Variants in STAT6 observed in about 807,000 individuals in gnomAD.
STAT6 encodes the protein STAT, interleukin4-induced.
A neutral mutation model predicts 106.3 loss-of-function variants in STAT6; 45 were observed. The observed-to-expected ratio is 0.42, with a 90% CI of 0.33 to 0.54. The LOEUF (loss-of-function observed/expected upper bound fraction) is 0.54. STAT6 is among the 20% of genes least tolerant of loss of function. The pLI is 0.06. For synonymous variants in STAT6, 413 were observed against 413.6 expected, an observed-to-expected ratio of 1.00 and a Z score of 0.02; for missense variants, 797 against 1,062.2, an observed-to-expected ratio of 0.75 and a Z score of 3.47.
rs1157118461 is a variant in STAT6 at position 57,105,744 on chromosome 12, G to A, written c.681-145C>T. 7 of 1,324,278 alleles carry A rather than the reference G, an allele frequency of 5.3e-6. No individual in the cohort carries two copies. The East Asian group carries it at 1.0e-4, about 19-fold the overall frequency. 82.0% of individuals were successfully genotyped at this position (1,324,278 alleles called of 1,614,324 possible). A position where few individuals can be genotyped will look rare whatever the true frequency, so the allele number is the denominator to read the frequency against. ...GGTGTGGCTGCAAGGCACCTGGGCTGAAGGGGGTTCTGTGATCTGTTGGCC... is the reference window on the plus strand; with the variant it reads ...GGTGTGGCTGCAAGGCACCTGGGCTAAAGGGGGTTCTGTGATCTGTTGGCC... On this transcript the variant is annotated intron_variant, in intron 7 of 21. Transcript: ENST00000300134.
chr12:57,106,887 C>T (rs2034316171), intron 4 of STAT6, 56 bp from the exon 5 acceptor site: 1 of 1,603,576 alleles, frequency 6.2e-7, no homozygotes, highest in Non-Finnish European at 8.5e-7. Context: ...CCCTCTATAC[C>T]TGGCCTCCAC....
intron 7 of STAT6, 185 bp downstream of exon 7, chr12:57,106,006 G>T: frequency 1.0e-6 from 1 of 1,001,120 alleles, no homozygotes; most frequent in Non-Finnish European, 1.4e-6. Context: ...CCCTCCACTA[G>T]GCCCACTTGT....
chr12:57,104,316 C>T (rs996096067), intron 11 of STAT6, 148 bp downstream of exon 11: 3 of 1,167,302 alleles, frequency 2.6e-6, no homozygotes, highest in Non-Finnish European at 3.6e-6. Flanking sequence ...CTCTTGCTCA[C>T]CCCCACTCAC....
chr12:57,100,559 C>T (rs1422370446), intron 13 of STAT6, among the ~76,000 whole-genome samples: 4 of 151,742 alleles, frequency 2.6e-5, no homozygotes, highest in Non-Finnish European at 5.9e-5. Context: ...CTAACACACC[C>T]TCTGGTCACA....
chr12:57,107,451 A>T (rs1011475788), intron 3 of STAT6, 137 bp from the exon 4 acceptor site: 1 of 1,318,308 alleles, frequency 7.6e-7, no homozygotes, highest in Non-Finnish European at 1.1e-6. Context: ...GTGCATTTGC[A>T]TGCTTTTAAA....
At position 57,106,212 on chromosome 12, in the gene STAT6, C is replaced by G; in HGVS notation, c.659G>C (p.Ser220Thr). Residue 220 changes from serine to threonine, a missense_variant, in exon 7 of 22, where the codon AGC becomes ACC. Ser to Thr is a moderately conservative substitution (Grantham distance 58, BLOSUM62 1). This residue lies in a region of STAT6 where 336 missense variants were observed against 429.8 expected (regional missense o/e 0.78). Coordinates refer to ENST00000300134, the MANE Select transcript of STAT6 (RefSeq NM_003153.5). Reference sequence around the variant, plus strand: ...CAACCTCTCCTGGAGTGGGGCCAGGCTCTCCTCAAACGGTGCGCCATTCCC... The same window carrying G: ...CAACCTCTCCTGGAGTGGGGCCAGGGTCTCCTCAAACGGTGCGCCATTCCC... ...LAGNGAPFEE[S>T]LAPLQERCES... 1 of 1,614,178 alleles carries G rather than the reference C, an allele frequency of 6.2e-7. No homozygotes were observed. The highest frequency in any genetic ancestry group is 1.3e-5 in the African/African-American group (1 of 75,068).
Position 57,098,540 on chromosome 12 carries a change from T to C in STAT6, c.2124A>G (p.Pro708=), listed in dbSNP as rs759503637. ...CTGACAACACGTTGACTGATTCTTC[T>C]GGGGAGAGGCCTTGATACGGGGGGA... ...HSIPPYQGLS[P]EESVNVLSAF... is the part of the protein sequence containing the mutation. The change falls in exon 19 of 22, where the codon CCA becomes CCG. Residue 708 remains proline (P), a synonymous_variant. Coordinates refer to ENST00000300134, the MANE Select transcript of STAT6 (RefSeq NM_003153.5). 6 of 1,614,206 alleles carry C rather than the reference T, an allele frequency of 3.7e-6. No homozygotes were observed. Among genetic ancestry groups the C allele is most frequent in the Non-Finnish European group, 5.1e-6 (6 of 1,180,044 alleles).
Position 57,099,325 on chromosome 12 carries a change from G to C in STAT6, c.1860C>G (p.Pro620=). The C allele has an allele frequency of 6.2e-7, 1 of 1,614,176 alleles. No individual in the cohort carries two copies. Among genetic ancestry groups the C allele is most frequent in the Non-Finnish European group, 8.5e-7 (1 of 1,180,030 alleles). The change falls in exon 16 of 22, where the codon CCC becomes CCG. Residue 620 remains proline (P), a synonymous_variant. Coordinates refer to ENST00000300134, the MANE Select transcript of STAT6 (RefSeq NM_003153.5). This position sits in a 1 kb window ranked among gnomAD's most constrained non-coding sequence, Gnocchi z 4.7. ...AQLKNLYPKK[P]KDEAFRSHYK... is the part of the protein sequence containing the mutation. ...AGTGGCTCCGGAAAGCCTCATCCTT[G>C]GGCTTCTTGGGATAGAGATTTTTGA...
intron 10 of STAT6, 50 bp from the exon 11 acceptor site, chr12:57,104,636 C>G: frequency 6.2e-7 from 1 of 1,612,484 alleles, no homozygotes; most frequent in South Asian, 1.1e-5. Flanking sequence ...GGACAGAGAC[C>G]GCTCCTCCTG....
rs1272933168 is a variant in STAT6, at chr12:57,099,022, C to T, written c.1948G>A (p.Val650Met). The T allele has an allele frequency of 5.6e-6, 9 of 1,614,052 alleles. No homozygotes were observed. The highest frequency in any genetic ancestry group is 1.3e-5 in the African/African-American group (1 of 74,906). Residue 650 changes from valine to methionine, a missense_variant, in exon 17 of 22, where the codon GTG becomes ATG. Coordinates refer to ENST00000300134, the MANE Select transcript of STAT6 (RefSeq NM_003153.5). The surrounding 1 kb of genome is among the most constrained non-coding windows in gnomAD (Gnocchi z 4.7). The part of the protein sequence containing the change: ...GYVPATIKMT[V>M]ERDQPLPTPE... ...CCATACCACCACACTCACCTTTCCACGGTCATCTTGATGGTAGCTGGGACA... is the reference window on the plus strand; with the variant it reads ...CCATACCACCACACTCACCTTTCCATGGTCATCTTGATGGTAGCTGGGACA...
intron 11 of STAT6, 65 bp downstream of exon 11, chr12:57,104,399 C>A: frequency 2.6e-6 from 4 of 1,563,376 alleles, no homozygotes; most frequent in Non-Finnish European, 3.5e-6. Flanking sequence ...GTCCAGGGCC[C>A]TTGTGTGTGG....
rs1343526721 is a variant in STAT6 at position 57,106,843 on chromosome 12, G to A, written c.340-12C>T. 2 of 1,613,222 alleles carry A rather than the reference G, an allele frequency of 1.2e-6. No individual in the cohort carries two copies. Among genetic ancestry groups the A allele is most frequent in the African/African-American group, 1.3e-5 (1 of 75,038 alleles). On this transcript the variant is annotated splice_polypyrimidine_tract_variant and intron_variant, in intron 4 of 21. Transcript: ENST00000300134. ...GGCAAGTGGCGGAACTACACAGGAA[G>A]GACAGATGCCAAGAAGTGAAACACT... is the stretch of plus-strand genomic sequence containing the variant.
In STAT6 at chr12:57,097,145, G is replaced by C; in HGVS notation, c.2160-12C>G. 1 of 1,508,500 alleles carries C rather than the reference G, an allele frequency of 6.6e-7. No individual in the cohort carries two copies. Among genetic ancestry groups the C allele is most frequent in the South Asian group, 1.4e-5 (1 of 73,006 alleles). The allele number at this position is 1,508,500 out of a possible 1,614,324, so 93.4% of individuals were successfully genotyped here. ...TCTGCAGGTGAGGCCTGGAAGTAGG[G>C]AGAGCACAGTTAGAGGAAGGCAGGC... On this transcript the variant is annotated splice_polypyrimidine_tract_variant and intron_variant, in intron 19 of 21. Transcript: ENST00000300134.
chr12:57,105,449 G>T lies in STAT6; in HGVS notation c.812+19C>A, dbSNP rs749090631. ...CCCGAGGTCTGTTCTAGGCCAGACT[G>T]GGAGCTCCCGGGGAATACCTGGTGA... On this transcript the variant is annotated intron_variant, in intron 8 of 21. Coordinates refer to ENST00000300134, the MANE Select transcript of STAT6 (RefSeq NM_003153.5). 6 of 1,613,820 alleles carry T rather than the reference G, an allele frequency of 3.7e-6. No individual in the cohort carries two copies. In the South Asian group the frequency reaches 6.6e-5, roughly 18 times the overall value.
rs1199379186 is a variant in STAT6 at position 57,096,514 on chromosome 12, A to G, written c.*58T>C. On this transcript the variant is annotated 3_prime_UTR_variant, in exon 22 of 22. Coordinates refer to ENST00000300134, the MANE Select transcript of STAT6 (RefSeq NM_003153.5). ...TGGCAGGGCATGAGCAAGTGTCCAG[A>G]GCAGGTCTGTGGGGGTAGTAGAAGA... The G allele has an allele frequency of 2.0e-6, 3 of 1,492,468 alleles. No homozygotes were observed. The highest frequency in any genetic ancestry group is 2.7e-6 in the Non-Finnish European group (3 of 1,108,874). 92.5% of individuals were successfully genotyped at this position (1,492,468 alleles called of 1,614,324 possible).
At chr12:57,101,915 C>T (rs1419872375) in intron 13 of STAT6, among the ~76,000 whole-genome samples, 1 of 152,142 alleles carries the variant, frequency 6.6e-6, no homozygotes, top group African/African-American at 2.4e-5. Flanking sequence ...TCCACCCACC[C>T]CGGCATGTCA....
rs1391453275 is a variant in STAT6 at position 57,106,339 on chromosome 12, C to A, written c.532G>T (p.Ala178Ser). Residue 178 changes from alanine to serine, a missense_variant and splice_region_variant, in exon 7 of 22, where the codon GCC (alanine) becomes TCC (serine). Around this residue, in one of 4 missense-constraint regions of STAT6, gnomAD observed 336 missense variants for 429.8 expected, o/e 0.78. Transcript: ENST00000300134. Reference sequence around the variant, plus strand: ...GTCTCCTGCAGTAGCATGGCCAGGGCCTATGGGCAGAGAGGGGCCTGAGCC... The same window carrying A: ...GTCTCCTGCAGTAGCATGGCCAGGGACTATGGGCAGAGAGGGGCCTGAGCC... ...TPANGTGPSEALAMLLQETTG... is the reference protein window; with the variant it reads ...TPANGTGPSESLAMLLQETTG... 6.2e-7 allele frequency: 1 copy of A among 1,614,130 alleles called. No individual in the cohort carries two copies.
chr12:57,097,376 C>CA, intron 19 of STAT6: 3 of 359,166 alleles, frequency 8.4e-6, no homozygotes, highest in Admixed American at 4.6e-5. Context: ...TTCTTAAGTC[C>CA]CCAAGTCCTC....
In STAT6 at chr12:57,095,660, G is replaced by A. The variant is rs1364780966; in HGVS notation, c.*912C>T. ...CAGCATTGGAGGTGTGGAGCCATAC[G>A]TAGATGTCACAGCCACTTGGACCCA... is the stretch of plus-strand genomic sequence containing the variant. On this transcript the variant is annotated 3_prime_UTR_variant, in exon 22 of 22. Transcript: ENST00000300134. 6.6e-6 allele frequency: 1 copy of A among 152,224 alleles called. No homozygotes were observed. The highest frequency in any genetic ancestry group is 2.4e-5 in the African/African-American group (1 of 41,434). 9.4% of individuals were successfully genotyped at this position (152,224 alleles called of 1,614,324 possible).
Sources: allele counts gnomAD v4.1 joint callset (sites outside exome capture counted in the v4.1 genomes callset), GRCh38; gene constraint gnomAD v4.1.1; regional missense constraint gnomAD v4.1.1; non-coding constraint Gnocchi (gnomAD v3.1); transcripts MANE v1.5; gene names NCBI Gene and HGNC (gene_info 2026-07-23, HGNC 2026-07-21).